WASL: variants seen among roughly 807,000 people sequenced by gnomAD.
WASL encodes actin nucleation-promoting factor WASL.
WASL carries 20 observed loss-of-function variants against 55.5 expected under a neutral mutation model. That is an observed-to-expected ratio of 0.36 (90% CI 0.25 to 0.52). The LOEUF (loss-of-function observed/expected upper bound fraction) is 0.52. Among genes scored for constraint, WASL ranks in the 20% least tolerant of loss-of-function variants. The pLI, the probability that WASL is intolerant of heterozygous loss-of-function variation, is 0.92. For synonymous variants in WASL, 249 were observed against 217.6 expected (o/e 1.14, Z -1.27); for missense variants, 504 against 622.5 (o/e 0.81, Z 2.03).
At position 123,726,773 on chromosome 7, in the gene WASL, A is replaced by G. The variant is rs1584870020; in HGVS notation, c.118-17550T>C. Among the ~76,000 whole-genome samples the G allele has an allele frequency of 7.2e-5, 11 of 152,252 alleles. 3 individuals carry two copies. Among genetic ancestry groups the G allele is most frequent in the Admixed American group, 7.2e-4 (11 of 15,294 alleles). On this transcript the variant is annotated intron_variant, in intron 1 of 10. Transcript: ENST00000223023. ...CCCAGCTGCTCAGGAGGTTGAAGCA[A>G]GAGAATCACTTGAACCCATGAGGCA...
chr7:123,705,307 T>C (rs902689370), intron 4 of WASL, among the ~76,000 whole-genome samples: 1 of 152,150 alleles, frequency 6.6e-6, no homozygotes, highest in Non-Finnish European at 1.5e-5. Flanking sequence ...CAAATGCCTT[T>C]TACTGAAACA....
At chr7:123,717,680 T>C (rs1422564700) in intron 1 of WASL, among the ~76,000 whole-genome samples, 1 of 152,234 alleles carries the variant, frequency 6.6e-6, no homozygotes, top group African/African-American at 2.4e-5. Context: ...GTGAAGGAAA[T>C]TACAGATGTG....
At chr7:123,700,036 C>A (rs939760277) in intron 5 of WASL, among the ~76,000 whole-genome samples, 10 of 151,686 alleles carry the variant, frequency 6.6e-5, no homozygotes, top group African/African-American at 2.4e-4. Flanking sequence ...ATTATCCGGG[C>A]ATGGTGGCGC....
chr7:123,730,081 GA>G (rs1804113417), intron 1 of WASL, among the ~76,000 whole-genome samples: 1 of 152,016 alleles, frequency 6.6e-6, no homozygotes, highest in Admixed American at 6.5e-5. Context: ...AGTGTTGAAA[GA>G]AAAAAATACA....
At chr7:123,692,279 T>C in intron 9 of WASL, 68 bp downstream of exon 9, 2 of 1,526,144 alleles carry the variant, frequency 1.3e-6, no homozygotes, top group Non-Finnish European at 1.7e-6. Flanking sequence ...AAAATATCTT[T>C]CAATAAATTA....
At chr7:123,745,956 C>T (rs1036330731) in intron 1 of WASL, among the ~76,000 whole-genome samples, 1 of 152,164 alleles carries the variant, frequency 6.6e-6, no homozygotes, top group Non-Finnish European at 1.5e-5. Flanking sequence ...ATCCCCTAAA[C>T]CTTTATAAAA....
At chr7:123,693,112 A>AT (rs1207779825) in intron 8 of WASL, among the ~76,000 whole-genome samples, 1 of 152,088 alleles carries the variant, frequency 6.6e-6, no homozygotes, top group African/African-American at 2.4e-5. Flanking sequence ...AGAATAGTTT[A>AT]TTTTTTTGGA....
In WASL at chr7:123,694,814, C is replaced by G; in HGVS notation, c.727G>C (p.Glu243Gln). The change falls in exon 8 of 11, where the codon GAG (glutamate) becomes CAG (glutamine). Residue 243 changes from glutamate (E) to glutamine (Q), a missense_variant. Transcript: ENST00000223023. Reference protein sequence around the residue: ...KNLFDMCGISEAQLKDRETSK... With the variant: ...KNLFDMCGISQAQLKDRETSK... Reference sequence around the variant, plus strand: ...GTTTCTCTGTCTTTAAGTTGTGCCTCTGAGATTCCACACATATCGAAAAGA... The same window carrying G: ...GTTTCTCTGTCTTTAAGTTGTGCCTGTGAGATTCCACACATATCGAAAAGA... 6.2e-7 allele frequency: 1 copy of G among 1,612,972 alleles called. No individual in the cohort carries two copies. The highest frequency in any genetic ancestry group is 8.5e-7 in the Non-Finnish European group (1 of 1,179,504).
chr7:123,714,703 A>G (rs1803810481), intron 1 of WASL, among the ~76,000 whole-genome samples: 1 of 152,232 alleles, frequency 6.6e-6, no homozygotes. Flanking sequence ...GCAAATACAA[A>G]AATGAATTAG....
intron 10 of WASL, among the ~76,000 whole-genome samples, chr7:123,686,294 T>C (rs1037049242): frequency 3.3e-5 from 5 of 152,088 alleles, no homozygotes; most frequent in African/African-American, 1.2e-4. Flanking sequence ...TGTTAATTTC[T>C]GTTTACTCTT....
At chr7:123,693,915 A>G (rs1009086513) in intron 8 of WASL, among the ~76,000 whole-genome samples, 2 of 152,240 alleles carry the variant, frequency 1.3e-5, no homozygotes, top group African/African-American at 4.8e-5. Context: ...TAGTACTGGC[A>G]TAATAATGTT....
chr7:123,706,125 G>T, intron 4 of WASL, 152 bp downstream of exon 4: 1 of 688,754 alleles, frequency 1.5e-6, no homozygotes, highest in Non-Finnish European at 2.3e-6. Context: ...ATTTAACTGT[G>T]TTGTGACAAA....
At chr7:123,725,967 A>G (rs2116809935) in intron 1 of WASL, among the ~76,000 whole-genome samples, 1 of 152,330 alleles carries the variant, frequency 6.6e-6, no homozygotes, top group Admixed American at 6.5e-5. Flanking sequence ...TCAGTGTTTT[A>G]AGCAAACATA....
intron 1 of WASL, among the ~76,000 whole-genome samples, chr7:123,732,054 G>A (rs1261794476): frequency 4.6e-5 from 7 of 152,118 alleles, no homozygotes; most frequent in African/African-American, 7.2e-5. Flanking sequence ...GCGGCCAGGC[G>A]CGGTGGCTCA....
At chr7:123,713,158 T>C (rs546112020) in intron 1 of WASL, among the ~76,000 whole-genome samples, 3 of 151,928 alleles carry the variant, frequency 2.0e-5, no homozygotes, top group African/African-American at 7.3e-5. Flanking sequence ...TTTTCTCTTT[T>C]TATTTTTGAG....
At chr7:123,731,271 G>C (rs1041107608) in intron 1 of WASL, among the ~76,000 whole-genome samples, 7 of 152,156 alleles carry the variant, frequency 4.6e-5, no homozygotes, top group African/African-American at 1.7e-4. Context: ...ATAACAATCT[G>C]TAATATGTAT....
At chr7:123,730,157 T>G (rs1804114052) in intron 1 of WASL, among the ~76,000 whole-genome samples, 1 of 152,208 alleles carries the variant, frequency 6.6e-6, no homozygotes. Flanking sequence ...AAATAATTTT[T>G]CAACTGAAAA....
chr7:123,727,353 T>TGTCACA (rs1554406248), intron 1 of WASL, among the ~76,000 whole-genome samples: 1 of 147,710 alleles, frequency 6.8e-6, no homozygotes, highest in African/African-American at 2.5e-5. Flanking sequence ...AAAATATGTG[T>TGTCACA]CACACACACA....
At chr7:123,707,156 T>C (rs1449602366) in intron 2 of WASL, among the ~76,000 whole-genome samples, 2 of 152,174 alleles carry the variant, frequency 1.3e-5, no homozygotes, top group African/African-American at 4.8e-5. Flanking sequence ...TCATCAATGT[T>C]ACATAGAAGG....
Sources: gnomAD v4.1 joint callset for allele counts (sites outside exome capture counted in the v4.1 genomes callset) on GRCh38, gnomAD v4.1.1 for gene constraint, MANE v1.5 for transcripts, NCBI Gene and HGNC (gene_info 2026-07-23, HGNC 2026-07-21) for gene names.